The following ZNF804B variants were observed in gnomAD, a reference collection of about 807,000 sequenced individuals.
ZNF804B encodes zinc finger protein 804B.
ZNF804B carries 80 observed loss-of-function variants against 101.4 expected under a neutral mutation model. That is an observed-to-expected ratio of 0.79 (90% CI 0.66 to 0.95). ZNF804B has a LOEUF of 0.95. Among genes scored for constraint, ZNF804B ranks in the 40% least tolerant of loss-of-function variants. The pLI, the probability that ZNF804B is intolerant of heterozygous loss-of-function variation, is 0.00. For synonymous variants in ZNF804B, 622 were observed against 558.8 expected, an observed-to-expected ratio of 1.11 and a Z score of -1.59; for missense variants, 1,673 against 1,561.9, an observed-to-expected ratio of 1.07 and a Z score of -1.20.
At chr7:89,089,674 A>C (rs779731150) in intron 1 of ZNF804B, among the ~76,000 whole-genome samples, 1 of 152,070 alleles carries the variant, frequency 6.6e-6, no homozygotes, top group Admixed American at 6.5e-5. Flanking sequence ...TAAATATTGA[A>C]ATATAATTAA....
intron 1 of ZNF804B, among the ~76,000 whole-genome samples, chr7:89,114,479 T>G (rs543993993): frequency 6.6e-6 from 1 of 152,306 alleles, no homozygotes; most frequent in East Asian, 1.9e-4. Flanking sequence ...CCCAGTATAC[T>G]TTGTACAAAT....
intron 1 of ZNF804B, among the ~76,000 whole-genome samples, chr7:88,918,064 A>G (rs1270626071): frequency 1.3e-5 from 2 of 152,194 alleles, no homozygotes; most frequent in East Asian, 3.9e-4. Context: ...AAACTTGAGT[A>G]ATAAAAGAGA....
chr7:89,309,880 C>CTGGTCACT (rs1790624608), intron 2 of ZNF804B, among the ~76,000 whole-genome samples: 1 of 148,720 alleles, frequency 6.7e-6, no homozygotes, highest in South Asian at 2.2e-4. Context: ...GCAGACAATG[C>CTGGTCACT]TGGTCACTTA....
At position 89,327,514 on chromosome 7, in the gene ZNF804B, T is replaced by G. The variant is rs1389504222; in HGVS notation, c.380+40T>G. On this transcript the variant is annotated intron_variant, in intron 3 of 3. Coordinates refer to ENST00000333190, the MANE Select transcript of ZNF804B (RefSeq NM_181646.5). ...TGTCTGGGATGCTTCAAAACTCTCG[T>G]CAACCTATGGGGAAATTTTAAAGGC... is the stretch of plus-strand genomic sequence containing the variant. The G allele has an allele frequency of 2.5e-6, 4 of 1,589,466 alleles. No homozygotes were observed. In the East Asian group the frequency reaches 9.2e-5, roughly 36 times the overall value.
chr7:88,900,069 G>A (rs536034784), intron 1 of ZNF804B, among the ~76,000 whole-genome samples: 48 of 152,130 alleles, frequency 3.2e-4, no homozygotes, highest in African/African-American at 1.0e-3. Flanking sequence ...AACATTGAAG[G>A]TTGAGAGTTC....
At chr7:88,902,794 G>T (rs891092655) in intron 1 of ZNF804B, among the ~76,000 whole-genome samples, 1 of 151,820 alleles carries the variant, frequency 6.6e-6, no homozygotes, top group Admixed American at 6.6e-5. Context: ...ATATGGATAC[G>T]TATCTATTTT....
intron 1 of ZNF804B, among the ~76,000 whole-genome samples, chr7:88,948,305 CA>C (rs1259678257): frequency 5.1e-4 from 59 of 116,600 alleles, no homozygotes; most frequent in African/African-American, 1.9e-3. Context: ...GCCACCCATC[CA>C]TTTTTTTTTT....
At chr7:89,124,585 C>T (rs543039636) in intron 1 of ZNF804B, among the ~76,000 whole-genome samples, 1 of 152,192 alleles carries the variant, frequency 6.6e-6, no homozygotes, top group Non-Finnish European at 1.5e-5. Context: ...TAACTGAGAA[C>T]ATTGAGGCTT....
intron 1 of ZNF804B, among the ~76,000 whole-genome samples, chr7:88,884,391 C>A (rs10241264): frequency 0.028 from 4,299 of 151,588 alleles, 211 homozygotes; most frequent in African/African-American, 0.098. Context: ...CATTGGTTAT[C>A]TTTTGCTTCT....
intron 3 of ZNF804B, among the ~76,000 whole-genome samples, chr7:89,330,105 A>G (rs956592589): frequency 3.4e-4 from 52 of 151,686 alleles, no homozygotes; most frequent in African/African-American, 1.2e-3. Flanking sequence ...TAATATAAGT[A>G]AGAATATATT....
intron 1 of ZNF804B, among the ~76,000 whole-genome samples, chr7:89,006,077 T>G (rs1215347454): frequency 6.6e-6 from 1 of 152,122 alleles, no homozygotes; most frequent in African/African-American, 2.4e-5. Context: ...TGGGAATATA[T>G]ATATCATGCA....
At chr7:88,866,150 G>C (rs1284920257) in intron 1 of ZNF804B, among the ~76,000 whole-genome samples, 1 of 152,098 alleles carries the variant, frequency 6.6e-6, no homozygotes, top group African/African-American at 2.4e-5. Context: ...GGAAAAAAAG[G>C]CCAGAAAATA....
At chr7:89,057,810 C>T (rs1322501447) in intron 1 of ZNF804B, among the ~76,000 whole-genome samples, 11 of 152,146 alleles carry the variant, frequency 7.2e-5, no homozygotes, top group Non-Finnish European at 1.3e-4. Context: ...TCCTTGATTT[C>T]CTCCCCAGAT....
intron 1 of ZNF804B, among the ~76,000 whole-genome samples, chr7:89,006,946 G>T (rs979464758): frequency 2.0e-5 from 3 of 152,122 alleles, no homozygotes; most frequent in Non-Finnish European, 4.4e-5. Context: ...ACTGCACTGG[G>T]CAGGTGGCTT....
At chr7:89,042,773 G>A (rs989530556) in intron 1 of ZNF804B, among the ~76,000 whole-genome samples, 1 of 152,042 alleles carries the variant, frequency 6.6e-6, no homozygotes, top group Admixed American at 6.6e-5. Flanking sequence ...TTGAAATCTA[G>A]AGTTTCTGAA....
chr7:89,193,420 T>C (rs1788492429), intron 1 of ZNF804B, among the ~76,000 whole-genome samples: 1 of 151,076 alleles, frequency 6.6e-6, no homozygotes, highest in African/African-American at 2.4e-5. Context: ...CATTAACTCG[T>C]CATTTAGCAT....
chr7:89,316,173 A>C (rs1428670168), intron 2 of ZNF804B, among the ~76,000 whole-genome samples: 3 of 152,168 alleles, frequency 2.0e-5, no homozygotes, highest in Admixed American at 1.3e-4. Context: ...GATAGGGGTT[A>C]GCAAGATTAA....
chr7:89,085,605 A>T (rs1789786568), intron 1 of ZNF804B, among the ~76,000 whole-genome samples: 1 of 151,832 alleles, frequency 6.6e-6, no homozygotes, highest in African/African-American at 2.4e-5. Flanking sequence ...TCTATATGCC[A>T]CTCAAATGAC....
intron 1 of ZNF804B, among the ~76,000 whole-genome samples, chr7:89,087,911 C>T (rs1434849666): frequency 6.6e-6 from 1 of 151,620 alleles, no homozygotes; most frequent in Non-Finnish European, 1.5e-5. Context: ...TAGAAAATCT[C>T]TGGAAATAAA....
Sources: allele counts gnomAD v4.1 joint callset (sites outside exome capture counted in the v4.1 genomes callset), GRCh38; gene constraint gnomAD v4.1.1; transcripts MANE v1.5; gene names NCBI Gene and HGNC (gene_info 2026-07-23, HGNC 2026-07-21).